STAG1: variants seen among roughly 807,000 people sequenced by gnomAD.
The protein encoded by STAG1 is STAG1 cohesin complex component.
Under a neutral mutation model 170.9 loss-of-function variants are expected in STAG1, and 26 were observed. The observed-to-expected ratio is 0.15, with a 90% confidence interval of 0.11 to 0.21. The LOEUF is 0.21. STAG1 is among the 10% of genes least tolerant of loss of function. The pLI, the probability that STAG1 is intolerant of heterozygous loss-of-function variation, is 1.00. For missense variants in STAG1, 964 were observed against 1,509.5 expected, an observed-to-expected ratio of 0.64 and a Z score of 5.99; for synonymous variants, 514 against 497.7, an observed-to-expected ratio of 1.03 and a Z score of -0.44.
At chr3:136,650,606 G>T (rs1165491301) in intron 1 of STAG1, among the ~76,000 whole-genome samples, 1 of 152,180 alleles carries the variant, frequency 6.6e-6, no homozygotes. Context: ...GGCCTTCAAT[G>T]TTAGTCCAGG....
At chr3:136,385,671 C>T (rs1231002670) in intron 22 of STAG1, among the ~76,000 whole-genome samples, 1 of 152,074 alleles carries the variant, frequency 6.6e-6, no homozygotes, top group Non-Finnish European at 1.5e-5. Flanking sequence ...AAAATAGTTT[C>T]AGTTTATCAG....
intron 21 of STAG1, among the ~76,000 whole-genome samples, chr3:136,405,707 T>G (rs917127772): frequency 7.4e-6 from 1 of 135,370 alleles, no homozygotes; most frequent in South Asian, 2.3e-4. Flanking sequence ...ATACAAAAAA[T>G]TAGCTGGGTG....
At chr3:136,406,941 T>C (rs1337254950) in intron 21 of STAG1, among the ~76,000 whole-genome samples, 1 of 152,206 alleles carries the variant, frequency 6.6e-6, no homozygotes, top group Non-Finnish European at 1.5e-5. Flanking sequence ...AGCTTACATA[T>C]AAATTCCAAA....
chr3:136,683,225 T>C (rs1942398975), intron 1 of STAG1, among the ~76,000 whole-genome samples: 1 of 151,904 alleles, frequency 6.6e-6, no homozygotes, highest in African/African-American at 2.4e-5. Context: ...ATTGTATATT[T>C]AAAAATAACT....
At chr3:136,372,377 A>G (rs1420293860) in intron 23 of STAG1, among the ~76,000 whole-genome samples, 1 of 152,218 alleles carries the variant, frequency 6.6e-6, no homozygotes, top group East Asian at 1.9e-4. Context: ...CAGAACTTCC[A>G]ACACTATACT....
In STAG1 at chr3:136,679,563, C is replaced by G. The variant is rs185501243; in HGVS notation, c.-83-48582G>C. Among the ~76,000 whole-genome samples, 3 of 152,132 alleles carry G rather than the reference C, an allele frequency of 2.0e-5. No individual in the cohort carries two copies. In the East Asian group the frequency reaches 5.8e-4, roughly 29 times the overall value. On this transcript the variant is annotated intron_variant, in intron 1 of 33. Transcript: ENST00000383202. ...ATAACACAGTGAAACCCCGTCTGTA[C>G]TAAAAAGACAAAAAAATTAGCCGGG...
At chr3:136,663,813 T>G (rs1385862099) in intron 1 of STAG1, among the ~76,000 whole-genome samples, 1 of 152,044 alleles carries the variant, frequency 6.6e-6, no homozygotes, top group Non-Finnish European at 1.5e-5. Flanking sequence ...GGAAAAAAAC[T>G]CCACTCTCAG....
intron 5 of STAG1, among the ~76,000 whole-genome samples, chr3:136,555,414 T>C (rs1240172429): frequency 2.6e-5 from 4 of 151,680 alleles, no homozygotes; most frequent in Admixed American, 6.6e-5. Flanking sequence ...CTGGGCACAG[T>C]GGCTCAAGCC....
Position 136,433,822 on chromosome 3 carries a change from T to C in STAG1, c.1547-163A>G, listed in dbSNP as rs114168833. Among the ~76,000 whole-genome samples the C allele has an allele frequency of 8.0e-3, 1,221 of 152,176 alleles. 7 individuals carry two copies. Among genetic ancestry groups the C allele is most frequent in the Non-Finnish European group, 0.013 (907 of 67,996 alleles). On this transcript the variant is annotated intron_variant, in intron 15 of 33. Coordinates refer to ENST00000383202, the MANE Select transcript of STAG1 (RefSeq NM_005862.3). ...GCTATTTTTTTTTTTAAAGTAATTA[T>C]GTGCTTGCTGTCATAAGTCAAATAG...
At chr3:136,726,536 G>C (rs1347391295) in intron 1 of STAG1, among the ~76,000 whole-genome samples, 1 of 152,156 alleles carries the variant, frequency 6.6e-6, no homozygotes. Flanking sequence ...TGATTCTCCT[G>C]CCTCAGTCTC....
chr3:136,413,312 C>T (rs571116458), intron 21 of STAG1, among the ~76,000 whole-genome samples: 12 of 146,954 alleles, frequency 8.2e-5, no homozygotes, highest in African/African-American at 2.2e-4. Flanking sequence ...ATTATATATA[C>T]ATAGTGTCTA....
intron 24 of STAG1, 22 bp downstream of exon 24, chr3:136,369,086 A>G (rs1430282977): frequency 1.4e-6 from 2 of 1,462,542 alleles, no homozygotes; most frequent in African/African-American, 2.9e-5. Flanking sequence ...ATCAATATTG[A>G]CAAGATGATA....
chr3:136,611,973 G>A (rs1268787958), intron 3 of STAG1, among the ~76,000 whole-genome samples: 2 of 151,676 alleles, frequency 1.3e-5, no homozygotes, highest in Admixed American at 6.6e-5. Flanking sequence ...TCAGCCTCCC[G>A]AGTAGCTGGG....
chr3:136,416,285 T>C (rs1056389791), intron 21 of STAG1, among the ~76,000 whole-genome samples: 2 of 152,262 alleles, frequency 1.3e-5, no homozygotes, highest in South Asian at 2.1e-4. Context: ...GGATTACAGG[T>C]GTGAGCCACC....
chr3:136,420,035 G>A (rs1207107249), intron 20 of STAG1, among the ~76,000 whole-genome samples: 1 of 151,818 alleles, frequency 6.6e-6, no homozygotes, highest in Non-Finnish European at 1.5e-5. Flanking sequence ...GATTGCTTGA[G>A]GTCAGGAGTT....
chr3:136,601,086 C>T (rs2107804318), intron 4 of STAG1, among the ~76,000 whole-genome samples: 1 of 152,096 alleles, frequency 6.6e-6, no homozygotes, highest in African/African-American at 2.4e-5. Flanking sequence ...GTCTCAAACT[C>T]CTGACCTCAA....
At chr3:136,660,754 A>G (rs1451514736) in intron 1 of STAG1, among the ~76,000 whole-genome samples, 2 of 152,040 alleles carry the variant, frequency 1.3e-5, no homozygotes, top group Non-Finnish European at 2.9e-5. Context: ...GAATCACTTG[A>G]GCCCAGCAGT....
intron 22 of STAG1, among the ~76,000 whole-genome samples, chr3:136,396,700 G>A (rs901239695): frequency 4.0e-5 from 6 of 148,814 alleles, no homozygotes; most frequent in Admixed American, 6.8e-5. Flanking sequence ...GCTAATTTTT[G>A]TATTTTTAGT....
intron 1 of STAG1, among the ~76,000 whole-genome samples, chr3:136,723,820 C>G (rs1314835548): frequency 2.1e-5 from 3 of 142,404 alleles, no homozygotes; most frequent in African/African-American, 2.6e-5. Context: ...CCGCCCCGTC[C>G]GGGAGGGAGG....
Sources: gnomAD v4.1 joint callset for allele counts (sites outside exome capture counted in the v4.1 genomes callset) on GRCh38, gnomAD v4.1.1 for gene constraint, MANE v1.5 for transcripts, NCBI Gene and HGNC (gene_info 2026-07-23, HGNC 2026-07-21) for gene names.